The following NHEJ1 variants were observed in gnomAD, a reference collection of about 807,000 sequenced individuals.
NHEJ1 encodes non-homologous end-joining factor 1.
In NHEJ1, 22 loss-of-function variants were observed where a neutral mutation model predicts 39.4. The ratio of observed to expected loss-of-function variants is 0.56; its 90% CI spans 0.40 to 0.80. NHEJ1 has a LOEUF of 0.80. NHEJ1 is among the 30% of genes least tolerant of loss of function. The pLI is 0.00. For synonymous variants in NHEJ1, 154 were observed against 135.6 expected (o/e 1.14, Z -0.94); for missense variants, 329 against 357.1 (o/e 0.92, Z 0.63).
At chr2:219,150,260 C>A (rs185260959) in intron 3 of NHEJ1, among the ~76,000 whole-genome samples, 3 of 152,262 alleles carry the variant, frequency 2.0e-5, no homozygotes, top group African/African-American at 7.2e-5. Context: ...AAGTTAGTGG[C>A]GGCAGCTTTT....
chr2:219,142,623 TC>T (rs1436721846), intron 5 of NHEJ1, among the ~76,000 whole-genome samples: 1 of 152,200 alleles, frequency 6.6e-6, no homozygotes, highest in African/African-American at 2.4e-5. Context: ...GGGAAGGAAC[TC>T]CCTCCAGTGG....
chr2:219,153,888 T>C (rs920385077), intron 3 of NHEJ1, among the ~76,000 whole-genome samples: 1 of 152,228 alleles, frequency 6.6e-6, no homozygotes, highest in Non-Finnish European at 1.5e-5. Context: ...ATAATGTCTC[T>C]GAAAGACAAT....
At position 219,126,616 on chromosome 2, in the gene NHEJ1, TA is replaced by T. The variant is rs1431231423; in HGVS notation, c.588+20063del. On this transcript the variant is annotated intron_variant, in intron 5 of 7. Transcript: ENST00000356853. ...AGTGTTTACAATGGATCAGACAAGTTAAACAAGACATCATATCCCTGCCCTT... is the reference window on the plus strand; with the variant it reads ...AGTGTTTACAATGGATCAGACAAGTTAACAAGACATCATATCCCTGCCCTT... 1.1e-4 allele frequency among the ~76,000 whole-genome samples: 16 copies of T among 152,352 alleles called. No homozygotes were observed. The East Asian group carries it at 3.1e-3, about 29-fold the overall frequency.
intron 5 of NHEJ1, among the ~76,000 whole-genome samples, chr2:219,083,652 G>A (rs1335534732): frequency 6.6e-6 from 1 of 152,146 alleles, no homozygotes. Context: ...GGCACTGAGG[G>A]ATCAAGACTA....
In NHEJ1 at chr2:219,080,668, T is replaced by TATATATATGCTAATATATATAATC. The variant is rs1559185964; in HGVS notation, c.589-2463_589-2462insGATTATATATATTAGCATATATAT. 1.2e-4 allele frequency among the ~76,000 whole-genome samples: 2 copies of TATATATATGCTAATATATATAATC among 16,340 alleles called. 1 individual carries two copies. The highest frequency in any genetic ancestry group is 4.1e-4 in the Non-Finnish European group (2 of 4,908). The allele number at this position is 16,340 out of a possible 152,430, so 10.7% of individuals were successfully genotyped here. ...ATATATATGCTAATATATATAAGCT[T>TATATATATGCTAATATATATAATC]TTATATATGCTAATATATATGCTTA... On this transcript the variant is annotated intron_variant, in intron 5 of 7. Transcript: ENST00000356853.
chr2:219,158,967 A>G (rs1369243501), intron 1 of NHEJ1: 2 of 157,276 alleles, frequency 1.3e-5, no homozygotes, highest in Non-Finnish European at 2.8e-5. Context: ...GTACACGCAT[A>G]TATGCATGGG....
chr2:219,091,271 C>A (rs1030634918), intron 5 of NHEJ1, among the ~76,000 whole-genome samples: 1 of 152,154 alleles, frequency 6.6e-6, no homozygotes, highest in Non-Finnish European at 1.5e-5. Context: ...ACTTGGGCGA[C>A]TTCTCAGTTC....
chr2:219,137,826 T>C (rs546779506), intron 5 of NHEJ1, among the ~76,000 whole-genome samples: 2 of 152,316 alleles, frequency 1.3e-5, no homozygotes, highest in East Asian at 3.9e-4. Context: ...CTGCCATTTA[T>C]AGAAAGCTTT....
rs1326753600 is a variant in NHEJ1, at chr2:219,074,671, G to A, written c.*1710C>T. Among the ~76,000 whole-genome samples the A allele has an allele frequency of 6.6e-6, 1 of 151,846 alleles. No homozygotes were observed. Among genetic ancestry groups the A allele is most frequent in the African/African-American group, 2.4e-5 (1 of 41,302 alleles). ...GCAGGAGAATCACTTGAACACAGGAGGTGGAGTTTGCAGTGAGCCAAAATT... is the reference window on the plus strand; with the variant it reads ...GCAGGAGAATCACTTGAACACAGGAAGTGGAGTTTGCAGTGAGCCAAAATT... On this transcript the variant is annotated 3_prime_UTR_variant, in exon 8 of 8. Transcript: ENST00000356853.
chr2:219,146,018 G>T (rs1949736258), intron 5 of NHEJ1, among the ~76,000 whole-genome samples: 2 of 152,062 alleles, frequency 1.3e-5, no homozygotes. Flanking sequence ...GAAGAGGGAG[G>T]GAAGGAGAAG....
chr2:219,153,212 T>C (rs1280545026), intron 3 of NHEJ1, among the ~76,000 whole-genome samples: 1 of 152,198 alleles, frequency 6.6e-6, no homozygotes, highest in African/African-American at 2.4e-5. Flanking sequence ...ATTTAATCCT[T>C]ACGACTAGAC....
intron 5 of NHEJ1, among the ~76,000 whole-genome samples, chr2:219,129,057 T>C (rs1949552058): frequency 6.6e-6 from 1 of 152,200 alleles, no homozygotes; most frequent in African/African-American, 2.4e-5. Context: ...TGTACCAAAC[T>C]AAATCCAAGA....
At position 219,144,733 on chromosome 2, in the gene NHEJ1, T is replaced by C. The variant is rs184314598; in HGVS notation, c.588+1947A>G. ...AGGCACTAGATCAGGAAGAGACCTC[T>C]CTACTGAGCTAAGAACAAGCCTTGC... is the stretch of plus-strand genomic sequence containing the variant. On this transcript the variant is annotated intron_variant, in intron 5 of 7. Transcript: ENST00000356853. 3.5e-4 allele frequency among the ~76,000 whole-genome samples: 54 copies of C among 152,192 alleles called. 1 individual carries two copies. Among genetic ancestry groups the C allele is most frequent in the African/African-American group, 1.7e-4 (7 of 41,550 alleles).
intron 1 of NHEJ1, among the ~76,000 whole-genome samples, chr2:219,159,598 T>TATGCATATATATAG (rs1949907929): frequency 7.5e-6 from 1 of 133,346 alleles, no homozygotes; most frequent in Non-Finnish European, 1.6e-5. Flanking sequence ...CATATATATA[T>TATGCATATATATAG]ATGCATATAT....
At position 219,159,540 on chromosome 2, in the gene NHEJ1, T is replaced by TATATATATGTGC. The variant is rs1369375338; in HGVS notation, c.-1+1179_1-1178insGCACATATATAT. Among the ~76,000 whole-genome samples the TATATATATGTGC allele has an allele frequency of 7.3e-4, 24 of 33,048 alleles. 1 individual carries two copies. Among genetic ancestry groups the TATATATATGTGC allele is most frequent in the African/African-American group, 2.8e-3 (22 of 7,974 alleles). The allele number at this position is 33,048 out of a possible 152,430, so 21.7% of individuals were successfully genotyped here. Reference sequence around the variant, plus strand: ...ATATATATATGCATATATATATGCATATATATATATGCATATATATATGCA... The same window carrying TATATATATGTGC: ...ATATATATATGCATATATATATGCATATATATATGTGCATATATATATGCATATATATATGCA... On this transcript the variant is annotated intron_variant, in intron 1 of 7. Coordinates refer to ENST00000356853, the MANE Select transcript of NHEJ1 (RefSeq NM_024782.3).
At chr2:219,115,554 A>T (rs1483414397) in intron 5 of NHEJ1, among the ~76,000 whole-genome samples, 1 of 152,176 alleles carries the variant, frequency 6.6e-6, no homozygotes, top group African/African-American at 2.4e-5. Flanking sequence ...GCATTACACA[A>T]AGGGCTAGAA....
At chr2:219,130,902 A>G (rs1949571971) in intron 5 of NHEJ1, among the ~76,000 whole-genome samples, 1 of 152,124 alleles carries the variant, frequency 6.6e-6, no homozygotes, top group Non-Finnish European at 1.5e-5. Flanking sequence ...CAGCCTGGGA[A>G]AAACAGTGAG....
rs1553542336 is a variant in NHEJ1, at chr2:219,080,688, T to TGA, written c.589-2483_589-2482insTC. On this transcript the variant is annotated intron_variant, in intron 5 of 7. Coordinates refer to ENST00000356853, the MANE Select transcript of NHEJ1 (RefSeq NM_024782.3). Reference sequence around the variant, plus strand: ...AAGCTTTTATATATGCTAATATATATGCTTATATATATATATGCTAATATA... The same window carrying TGA: ...AAGCTTTTATATATGCTAATATATATGAGCTTATATATATATATGCTAATATA... Among the ~76,000 whole-genome samples the TGA allele has an allele frequency of 2.5e-5, 3 of 118,346 alleles. No individual in the cohort carries two copies. In the East Asian group the frequency reaches 6.6e-4, roughly 26 times the overall value. The allele number at this position is 118,346 out of a possible 152,430, so 77.6% of individuals were successfully genotyped here.
intron 2 of NHEJ1, among the ~76,000 whole-genome samples, chr2:219,157,940 T>C (rs1949870717): frequency 1.3e-5 from 2 of 151,478 alleles, no homozygotes; most frequent in Admixed American, 1.3e-4. Context: ...ATATATTCAT[T>C]ATCATGCATA....
Sources: gnomAD v4.1 joint callset for allele counts (sites outside exome capture counted in the v4.1 genomes callset) on GRCh38, gnomAD v4.1.1 for gene constraint, MANE v1.5 for transcripts, NCBI Gene and HGNC (gene_info 2026-07-23, HGNC 2026-07-21) for gene names.